The following KHDRBS3 variants were observed in gnomAD, a reference collection of about 807,000 sequenced individuals.
The protein encoded by KHDRBS3 is KH RNA binding domain containing, signal transduction associated 3.
Under a neutral mutation model 45.6 loss-of-function variants are expected in KHDRBS3, and 23 were observed. That is an observed-to-expected ratio of 0.50 (90% confidence interval 0.36 to 0.72). KHDRBS3 has a LOEUF of 0.72. KHDRBS3 is among the 30% of genes least tolerant of loss of function. The probability of loss-of-function intolerance (pLI) is 0.00; values close to 1 mark genes in which losing one functional copy is unlikely to be tolerated. For missense variants in KHDRBS3, 352 were observed against 424.8 expected (o/e 0.83, Z 1.51); for synonymous variants, 162 against 156.5 (o/e 1.04, Z -0.26).
intron 6 of KHDRBS3, among the ~76,000 whole-genome samples, chr8:135,587,898 T>C (rs559611520): frequency 6.6e-6 from 1 of 152,352 alleles, no homozygotes; most frequent in African/African-American, 2.4e-5. Context: ...ATCTTTTTCA[T>C]TTCCATTACT....
chr8:135,483,488 C>T (rs1282537232), intron 1 of KHDRBS3, among the ~76,000 whole-genome samples: 2 of 152,164 alleles, frequency 1.3e-5, no homozygotes, highest in African/African-American at 4.8e-5. Context: ...AGGGAATTTT[C>T]TGCCCTTCGG....
chr8:135,606,594 T>TG (rs377686835), intron 6 of KHDRBS3, among the ~76,000 whole-genome samples: 5 of 152,144 alleles, frequency 3.3e-5, no homozygotes, highest in African/African-American at 1.2e-4. Context: ...CCTTCAGAGC[T>TG]GGGGAGTGGG....
chr8:135,542,842 A>G, intron 3 of KHDRBS3, 72 bp downstream of exon 3: 1 of 991,676 alleles, frequency 1.0e-6, no homozygotes, highest in Non-Finnish European at 1.6e-6. Flanking sequence ...TATCCACTGT[A>G]TTCATACATA....
chr8:135,570,498 A>G lies in KHDRBS3; in HGVS notation c.612-11380A>G, dbSNP rs529590595. Among the ~76,000 whole-genome samples, 209 of 152,358 alleles carry G rather than the reference A, an allele frequency of 1.4e-3. 1 individual carries two copies. Among genetic ancestry groups the G allele is most frequent in the African/African-American group, 4.6e-3 (191 of 41,582 alleles). On this transcript the variant is annotated intron_variant, in intron 5 of 8. Coordinates refer to ENST00000355849, the MANE Select transcript of KHDRBS3 (RefSeq NM_006558.3). ...ATATTAATGTACCAATCAATATTAA[A>G]AAGTCCTTTTTTTATTAAGGAAAGG...
chr8:135,589,481 G>A (rs1336675482), intron 6 of KHDRBS3, among the ~76,000 whole-genome samples: 2 of 152,106 alleles, frequency 1.3e-5, no homozygotes, highest in Admixed American at 6.5e-5. Context: ...CCCAATTGCC[G>A]TCCCTTAAAC....
At chr8:135,469,569 C>T (rs1821903558) in intron 1 of KHDRBS3, among the ~76,000 whole-genome samples, 1 of 138,312 alleles carries the variant, frequency 7.2e-6, no homozygotes, top group Non-Finnish European at 1.5e-5. Context: ...CGCTTCTTCA[C>T]CCAGGCTGGA....
At chr8:135,470,074 T>C (rs1170465808) in intron 1 of KHDRBS3, among the ~76,000 whole-genome samples, 2 of 152,234 alleles carry the variant, frequency 1.3e-5, no homozygotes, top group Non-Finnish European at 2.9e-5. Flanking sequence ...TTCTTTGGTG[T>C]TCAGCAGGCT....
intron 8 of KHDRBS3, 98 bp downstream of exon 8, chr8:135,645,215 C>G: frequency 8.3e-7 from 1 of 1,200,968 alleles, no homozygotes; most frequent in Non-Finnish European, 1.2e-6. Flanking sequence ...CATTTGGACT[C>G]TGAAACAGCA....
intron 2 of KHDRBS3, among the ~76,000 whole-genome samples, chr8:135,522,764 G>A (rs1421586509): frequency 6.6e-6 from 1 of 152,132 alleles, no homozygotes. Context: ...ATACTCTTCT[G>A]TATTTTCTCT....
intron 2 of KHDRBS3, among the ~76,000 whole-genome samples, chr8:135,532,761 A>G (rs967396491): frequency 9.9e-5 from 15 of 152,180 alleles, no homozygotes; most frequent in African/African-American, 3.4e-4. Flanking sequence ...TCCAGGGCCT[A>G]TGCTTTTAAG....
chr8:135,492,362 T>A (rs1823198182), intron 1 of KHDRBS3, among the ~76,000 whole-genome samples: 1 of 152,182 alleles, frequency 6.6e-6, no homozygotes, highest in South Asian at 2.1e-4. Context: ...TCTGTGGAAC[T>A]AATCAAGATA....
intron 5 of KHDRBS3, among the ~76,000 whole-genome samples, chr8:135,562,576 G>A (rs1827220535): frequency 6.6e-6 from 1 of 152,054 alleles, no homozygotes; most frequent in African/African-American, 2.4e-5. Context: ...ATGATAGGTG[G>A]TAACTAATGC....
Position 135,645,094 on chromosome 8 carries a change from G to T in KHDRBS3, c.926G>T (p.Ser309Ile). 3.1e-6 allele frequency: 5 copies of T among 1,613,704 alleles called. No homozygotes were observed. Among genetic ancestry groups the T allele is most frequent in the Non-Finnish European group, 4.2e-6 (5 of 1,179,890 alleles). Residue 309 changes from serine (S) to isoleucine (I), a missense_variant, in exon 8 of 9, where the codon AGT becomes ATT. By Grantham distance (142) the Ser-to-Ile change is moderately radical (BLOSUM62 -2). This residue lies in a region of KHDRBS3 where 212 missense variants were observed against 209.6 expected (regional missense o/e 1.01). Coordinates refer to ENST00000355849, the MANE Select transcript of KHDRBS3 (RefSeq NM_006558.3). ...TACTATGATTACGGACATGGACTCA[G>T]TGAGGAGACTTATGATTCCTACGGT... Reference protein sequence around the residue: ...ADYYDYGHGLSEETYDSYGQE... With the variant: ...ADYYDYGHGLIEETYDSYGQE...
intron 3 of KHDRBS3, among the ~76,000 whole-genome samples, chr8:135,544,962 T>A (rs79761609): frequency 0.031 from 4,743 of 152,056 alleles, 107 homozygotes; most frequent in Middle Eastern, 0.051. Flanking sequence ...TGGCCCTCAG[T>A]GGAGTGGCAT....
In KHDRBS3 at chr8:135,625,894, A is replaced by G. The variant is rs539725562; in HGVS notation, c.890+18857A>G. On this transcript the variant is annotated intron_variant, in intron 7 of 8. Coordinates refer to ENST00000355849, the MANE Select transcript of KHDRBS3 (RefSeq NM_006558.3). ...AGCTGTTCGATCTTTGTCACGTTCA[A>G]CTGCAGAGACTAATTGATCCAGGCC... The G allele has an allele frequency of 6.2e-5, 48 of 775,210 alleles. 1 individual carries two copies. The highest frequency in any genetic ancestry group is 5.7e-4 in the South Asian group (42 of 74,318). The allele number at this position is 775,210 out of a possible 1,614,324, so 48.0% of individuals were successfully genotyped here. A position where few individuals can be genotyped will look rare whatever the true frequency, so the allele number is the denominator to read the frequency against.
chr8:135,571,072 C>G (rs1827678934), intron 5 of KHDRBS3, among the ~76,000 whole-genome samples: 1 of 152,134 alleles, frequency 6.6e-6, no homozygotes, highest in South Asian at 2.1e-4. Context: ...CAGGGATGAA[C>G]AGACAAGAAA....
intron 7 of KHDRBS3, among the ~76,000 whole-genome samples, chr8:135,623,859 C>T (rs1478693360): frequency 6.6e-6 from 1 of 152,184 alleles, no homozygotes; most frequent in African/African-American, 2.4e-5. Context: ...TTTCTACACA[C>T]ATTTTAGGAC....
At chr8:135,467,243 A>G (rs11783060) in intron 1 of KHDRBS3, among the ~76,000 whole-genome samples, 2,097 of 152,380 alleles carry the variant, frequency 0.014, 26 homozygotes, top group Non-Finnish European at 0.024. Context: ...ATTATTACAC[A>G]TATATTTCTG....
chr8:135,472,262 A>C (rs1201066889), intron 1 of KHDRBS3, among the ~76,000 whole-genome samples: 23 of 152,108 alleles, frequency 1.5e-4, no homozygotes, highest in Non-Finnish European at 2.9e-5. Flanking sequence ...CCCCTCTGTC[A>C]CGGAAGAGTT....
Sources: gnomAD v4.1 joint callset for allele counts (sites outside exome capture counted in the v4.1 genomes callset) on GRCh38, gnomAD v4.1.1 for gene constraint, gnomAD v4.1.1 regional missense constraint, MANE v1.5 for transcripts, NCBI Gene and HGNC (gene_info 2026-07-23, HGNC 2026-07-21) for gene names.